NF2: variants seen among roughly 807,000 people sequenced by gnomAD.
NF2 encodes the protein NF2, moesin-ezrin-radixin like (MERLIN) tumor suppressor.
In NF2, 8 loss-of-function variants were observed where a neutral mutation model predicts 83.7. The ratio of observed to expected loss-of-function variants is 0.10; its 90% CI spans 0.06 to 0.17. NF2 has a LOEUF of 0.17. Among genes scored for constraint, NF2 ranks in the 10% least tolerant of loss-of-function variants. The pLI is 1.00. For missense variants in NF2, 533 were observed against 744.4 expected (o/e 0.72, Z 3.31); for synonymous variants, 266 against 269.6 (o/e 0.99, Z 0.13).
At chr22:29,613,146 G>A (rs1043025120) in intron 1 of NF2, among the ~76,000 whole-genome samples, 8 of 151,128 alleles carry the variant, frequency 5.3e-5, no homozygotes, top group African/African-American at 1.9e-4. Flanking sequence ...CTATGGAATC[G>A]CAAGGGACCC....
intron 7 of NF2, among the ~76,000 whole-genome samples, chr22:29,658,725 T>C (rs1002063213): frequency 4.6e-5 from 7 of 151,208 alleles, no homozygotes; most frequent in Non-Finnish European, 7.4e-5. Context: ...TGGTTTTCTA[T>C]TCAGACTATT....
intron 15 of NF2, among the ~76,000 whole-genome samples, chr22:29,686,033 A>C (rs2067262959): frequency 6.6e-6 from 1 of 151,964 alleles, no homozygotes; most frequent in African/African-American, 2.4e-5. Flanking sequence ...GTATACATGC[A>C]GCTATAAAAA....
At chr22:29,671,388 G>A (rs1311811267) in intron 10 of NF2, among the ~76,000 whole-genome samples, 1 of 152,128 alleles carries the variant, frequency 6.6e-6, no homozygotes, top group Non-Finnish European at 1.5e-5. Context: ...AATTAGCCAG[G>A]CATGGTGGCG....
At chr22:29,647,229 C>G (rs1050889408) in intron 4 of NF2, among the ~76,000 whole-genome samples, 2 of 151,938 alleles carry the variant, frequency 1.3e-5, no homozygotes, top group African/African-American at 4.8e-5. Context: ...GTGCAGACTC[C>G]TAGTGATCAG....
chr22:29,628,189 C>G (rs1425861165), intron 1 of NF2, among the ~76,000 whole-genome samples: 1 of 134,542 alleles, frequency 7.4e-6, no homozygotes, highest in East Asian at 2.1e-4. Context: ...TGTGTGTACA[C>G]CCTTGCCTTC....
At chr22:29,661,435 C>A (rs2147013728) in intron 8 of NF2, 96 bp downstream of exon 8, 2 of 1,540,610 alleles carry the variant, frequency 1.3e-6, no homozygotes. Context: ...CCTTGTTATT[C>A]ATAGAGTCCT....
chr22:29,635,817 A>G (rs2065634132), intron 1 of NF2, among the ~76,000 whole-genome samples: 1 of 152,038 alleles, frequency 6.6e-6, no homozygotes, highest in Admixed American at 6.5e-5. Context: ...TATGATCCTA[A>G]TGCACTCGAG....
At chr22:29,621,821 C>G (rs747470658) in intron 1 of NF2, among the ~76,000 whole-genome samples, 1 of 152,244 alleles carries the variant, frequency 6.6e-6, no homozygotes, top group African/African-American at 2.4e-5. Flanking sequence ...CACACTGCCA[C>G]ATCTTTGCAT....
At chr22:29,677,281 A>G (rs2066993149) in intron 13 of NF2, among the ~76,000 whole-genome samples, 2 of 152,144 alleles carry the variant, frequency 1.3e-5, no homozygotes, top group South Asian at 2.1e-4. Context: ...GGGGCTAGAA[A>G]GGCTTTGGTG....
At chr22:29,668,473 G>C (rs1385655753) in intron 10 of NF2, 27 bp downstream of exon 10, 2 of 1,558,346 alleles carry the variant, frequency 1.3e-6, no homozygotes, top group African/African-American at 2.7e-5. Context: ...TTTAACTGAT[G>C]ATGTCACTGT....
intron 1 of NF2, among the ~76,000 whole-genome samples, chr22:29,635,368 C>T (rs760442334): frequency 6.6e-6 from 1 of 152,094 alleles, no homozygotes; most frequent in Non-Finnish European, 1.5e-5. Context: ...CTTGCTTTGT[C>T]GCCAGGCTGG....
rs551869962 is a variant in NF2, at chr22:29,604,131, C to G, written c.114+19C>G. The stretch of plus-strand genomic sequence containing the variant: ...TTGCGAGGTAACCGGCCGGCAGCCC[C>G]GACTGCTGCGGTGACAGTCGAGGTG... On this transcript the variant is annotated intron_variant, in intron 1 of 15. Coordinates refer to ENST00000338641, the MANE Select transcript of NF2 (RefSeq NM_000268.4). 7.0e-6 allele frequency: 11 copies of G among 1,567,544 alleles called. No individual in the cohort carries two copies. The East Asian group carries it at 2.3e-4, about 33-fold the overall frequency.
rs2067580600 is a variant in NF2 at position 29,697,317 on chromosome 22, C to G, written c.*2515C>G. ...GCCAAGCCACGCGGCCTCAAGGGAGCTGGCTGGTGTTTGAGCTGTGGCAGA... is the reference window on the plus strand; with the variant it reads ...GCCAAGCCACGCGGCCTCAAGGGAGGTGGCTGGTGTTTGAGCTGTGGCAGA... On this transcript the variant is annotated 3_prime_UTR_variant, in exon 16 of 16. Coordinates refer to ENST00000338641, the MANE Select transcript of NF2 (RefSeq NM_000268.4). 9.9e-6 allele frequency: 2 copies of G among 202,228 alleles called. No individual in the cohort carries two copies. Among genetic ancestry groups the G allele is most frequent in the African/African-American group, 4.6e-5 (2 of 43,540 alleles). The allele number at this position is 202,228 out of a possible 1,614,324, so 12.5% of individuals were successfully genotyped here. A position where few individuals can be genotyped will look rare whatever the true frequency, so the allele number is the denominator to read the frequency against.
At chr22:29,692,273 G>C (rs573640835) in intron 15 of NF2, among the ~76,000 whole-genome samples, 2 of 152,320 alleles carry the variant, frequency 1.3e-5, no homozygotes, top group South Asian at 4.1e-4. Flanking sequence ...TCCTACTTCT[G>C]TGTGGGCAGA....
chr22:29,605,638 T>A (rs2064772796), intron 1 of NF2, among the ~76,000 whole-genome samples: 1 of 152,038 alleles, frequency 6.6e-6, no homozygotes, highest in Non-Finnish European at 1.5e-5. Context: ...ATCAACTATT[T>A]AAACCCTCCG....
chr22:29,637,487 G>C (rs1369139841), intron 2 of NF2, among the ~76,000 whole-genome samples: 1 of 152,114 alleles, frequency 6.6e-6, no homozygotes, highest in East Asian at 1.9e-4. Context: ...CTCTGCATGG[G>C]TTCATATGTT....
At chr22:29,616,702 G>A (rs1389930167) in intron 1 of NF2, among the ~76,000 whole-genome samples, 4 of 150,138 alleles carry the variant, frequency 2.7e-5, no homozygotes, top group African/African-American at 4.9e-5. Flanking sequence ...AGATCACGCC[G>A]TTGCACTCCA....
At chr22:29,669,288 G>C (rs1429797854) in intron 10 of NF2, among the ~76,000 whole-genome samples, 1 of 152,182 alleles carries the variant, frequency 6.6e-6, no homozygotes, top group African/African-American at 2.4e-5. Context: ...ATGCTTTCAG[G>C]GTGATGGGAT....
intron 4 of NF2, among the ~76,000 whole-genome samples, chr22:29,651,997 A>G (rs1232956317): frequency 6.6e-6 from 1 of 152,140 alleles, no homozygotes; most frequent in Non-Finnish European, 1.5e-5. Flanking sequence ...CAATAATAAT[A>G]ATACCTGACT....
Sources: allele counts gnomAD v4.1 joint callset (sites outside exome capture counted in the v4.1 genomes callset), GRCh38; gene constraint gnomAD v4.1.1; transcripts MANE v1.5; gene names NCBI Gene and HGNC (gene_info 2026-07-23, HGNC 2026-07-21).